Variants in PBX1 observed in about 807,000 individuals in gnomAD.
PBX1 encodes the protein PBX homeobox 1.
In PBX1, 6 loss-of-function variants were observed where a neutral mutation model predicts 53.4. That is an observed-to-expected ratio of 0.11 (90% CI 0.06 to 0.22). The LOEUF (loss-of-function observed/expected upper bound fraction) is 0.22, where lower values mean the gene tolerates loss of function less well. Among genes scored for constraint, PBX1 ranks in the 10% least tolerant of loss-of-function variants. PBX1 has a pLI of 1.00. For synonymous variants in PBX1, 204 were observed against 212.3 expected (o/e 0.96, Z 0.34); for missense variants, 251 against 551.4 (o/e 0.46, Z 5.46).
chr1:164,593,535 A>G (rs1471106988), intron 2 of PBX1, among the ~76,000 whole-genome samples: 1 of 152,206 alleles, frequency 6.6e-6, no homozygotes, highest in East Asian at 1.9e-4. Flanking sequence ...CCAGTGGCAC[A>G]ACCCAGGGCA....
At chr1:164,702,521 G>T (rs184450990) in intron 2 of PBX1, among the ~76,000 whole-genome samples, 1 of 152,204 alleles carries the variant, frequency 6.6e-6, no homozygotes, top group African/African-American at 2.4e-5. Context: ...GCTTCAGTGT[G>T]AGTGAGTGTG....
intron 2 of PBX1, among the ~76,000 whole-genome samples, chr1:164,870,258 CTT>C (rs1672326604): frequency 1.5e-5 from 1 of 65,198 alleles, no homozygotes; most frequent in African/African-American, 6.7e-5. Flanking sequence ...TCCTTCCTTC[CTT>C]CCTTCCTTCT....
chr1:164,629,263 T>C (rs1265023010), intron 2 of PBX1, among the ~76,000 whole-genome samples: 1 of 152,096 alleles, frequency 6.6e-6, no homozygotes, highest in Non-Finnish European at 1.5e-5. Context: ...GCATTTTGAG[T>C]TAAATATGGA....
At chr1:164,624,775 C>T (rs1357556168) in intron 2 of PBX1, among the ~76,000 whole-genome samples, 1 of 152,068 alleles carries the variant, frequency 6.6e-6, no homozygotes, top group African/African-American at 2.4e-5. Flanking sequence ...GCTAAAAATA[C>T]AATAACTCTC....
At chr1:164,797,585 A>G (rs555534731) in intron 3 of PBX1, among the ~76,000 whole-genome samples, 1 of 151,938 alleles carries the variant, frequency 6.6e-6, no homozygotes, top group Non-Finnish European at 1.5e-5. Context: ...TCTTCTATGG[A>G]TTTGTCTTCT....
chr1:164,794,473 G>A (rs1237338988), intron 3 of PBX1, among the ~76,000 whole-genome samples: 1 of 152,052 alleles, frequency 6.6e-6, no homozygotes, highest in Non-Finnish European at 1.5e-5. Flanking sequence ...AGGGTGAAGG[G>A]GAGGAAAATA....
At position 164,603,929 on chromosome 1, in the gene PBX1, ATTTTTTTTTTTTTTT is replaced by A. The variant is rs71583414; in HGVS notation, c.265+40637_265+40651del. ...GACACTCTGTACATTATGTCATTTC[ATTTTTTTTTTTTTTT>A]TTTTTTTTTTTTTTTTTTAGAGATG... On this transcript the variant is annotated intron_variant, in intron 2 of 8. Coordinates refer to ENST00000420696, the MANE Select transcript of PBX1 (RefSeq NM_002585.4). Among the ~76,000 whole-genome samples the A allele has an allele frequency of 7.4e-3, 558 of 75,798 alleles. 7 individuals are homozygous for A. The highest frequency in any genetic ancestry group is 0.03 in the African/African-American group (487 of 16,244). The allele number at this position is 75,798 out of a possible 152,430, so 49.7% of individuals were successfully genotyped here. A position where few individuals can be genotyped will look rare whatever the true frequency, so the allele number is the denominator to read the frequency against.
intron 2 of PBX1, chr1:164,642,755 C>CTGA (rs1211911504): frequency 6.6e-6 from 1 of 152,180 alleles, no homozygotes; most frequent in Admixed American, 6.5e-5. Flanking sequence ...AAGGAGCTCA[C>CTGA]AGTCTAGTTC....
intron 8 of PBX1, among the ~76,000 whole-genome samples, chr1:164,835,440 C>A (rs1291690754): frequency 1.3e-5 from 2 of 152,098 alleles, no homozygotes; most frequent in Non-Finnish European, 2.9e-5. Context: ...TTATGGTTCT[C>A]ACTAACAGTT....
intron 2 of PBX1, among the ~76,000 whole-genome samples, chr1:164,726,538 A>C (rs1664709609): frequency 6.6e-6 from 1 of 152,246 alleles, no homozygotes; most frequent in Non-Finnish European, 1.5e-5. Flanking sequence ...AAATAGATTC[A>C]TGCTAAAGCC....
At position 164,795,376 on chromosome 1, in the gene PBX1, G is replaced by A. The variant is rs1668729882; in HGVS notation, c.510+2638G>A. On this transcript the variant is annotated intron_variant, in intron 3 of 8. Transcript: ENST00000420696. ...TGTTACTTCCTTGGGCTAGATTACT[G>A]GCACCTAAGAGAGGGTTGTGATAAA... Among the ~76,000 whole-genome samples the A allele has an allele frequency of 2.6e-5, 4 of 152,146 alleles. No homozygotes were observed. In the South Asian group the frequency reaches 8.3e-4, roughly 32 times the overall value.
At chr1:164,731,854 G>GTC (rs1665006173) in intron 2 of PBX1, among the ~76,000 whole-genome samples, 1 of 152,194 alleles carries the variant, frequency 6.6e-6, no homozygotes. Context: ...AGCTCTGCAG[G>GTC]TCTCTATGTA....
At chr1:164,647,275 C>A (rs186319284) in intron 2 of PBX1, among the ~76,000 whole-genome samples, 1 of 152,092 alleles carries the variant, frequency 6.6e-6, no homozygotes, top group Non-Finnish European at 1.5e-5. Flanking sequence ...GAACAGGGGC[C>A]GTTGGAGGAG....
chr1:164,861,192 C>T (rs1327465931), intron 2 of PBX1, among the ~76,000 whole-genome samples: 1 of 152,024 alleles, frequency 6.6e-6, no homozygotes, highest in Non-Finnish European at 1.5e-5. Flanking sequence ...AGGGAGATCT[C>T]AGGATCTCGG....
At chr1:164,563,995 T>C (rs772018650) in intron 2 of PBX1, 5 of 152,146 alleles carry the variant, frequency 3.3e-5, no homozygotes, top group Non-Finnish European at 7.4e-5. Flanking sequence ...AAAGCAACAA[T>C]TAAAAAATAG....
intron 2 of PBX1, among the ~76,000 whole-genome samples, chr1:164,628,522 C>T (rs1287069733): frequency 1.3e-5 from 2 of 152,200 alleles, no homozygotes; most frequent in African/African-American, 4.8e-5. Context: ...GAAACCATCA[C>T]GGTTCCTTCT....
At chr1:164,562,997 G>A in intron 1 of PBX1, 1 of 281,618 alleles carries the variant, frequency 3.6e-6, no homozygotes, top group Non-Finnish European at 6.5e-6. Context: ...CCCTAAATGG[G>A]CATAATTTAG....
chr1:164,573,538 C>T (rs1654018089), intron 2 of PBX1, among the ~76,000 whole-genome samples: 1 of 139,712 alleles, frequency 7.2e-6, no homozygotes, highest in East Asian at 2.1e-4. Context: ...GTCATCCAGG[C>T]TGGAGTGCAG....
intron 2 of PBX1, among the ~76,000 whole-genome samples, chr1:164,630,558 C>G (rs1380013203): frequency 6.6e-6 from 1 of 152,062 alleles, no homozygotes; most frequent in Non-Finnish European, 1.5e-5. Context: ...AGCTAACATG[C>G]ACTAGGTTCC....
Sources: gnomAD v4.1 joint callset for allele counts (sites outside exome capture counted in the v4.1 genomes callset) on GRCh38, gnomAD v4.1.1 for gene constraint, MANE v1.5 for transcripts, NCBI Gene and HGNC (gene_info 2026-07-23, HGNC 2026-07-21) for gene names.